ZNF385D: variants seen among roughly 807,000 people sequenced by gnomAD.
ZNF385D encodes the protein zinc finger protein 659.
ZNF385D carries 15 observed loss-of-function variants against 35.8 expected under a neutral mutation model. That is an observed-to-expected ratio of 0.42 (90% CI 0.28 to 0.64). The LOEUF is 0.64. Ranked by LOEUF, ZNF385D falls within the 30% of genes least tolerant of loss-of-function variation. The probability of loss-of-function intolerance (pLI) is 0.23; values close to 1 mark genes in which losing one functional copy is unlikely to be tolerated. For synonymous variants in ZNF385D, 212 were observed against 186.8 expected, an observed-to-expected ratio of 1.13 and a Z score of -1.10; for missense variants, 474 against 494.6, an observed-to-expected ratio of 0.96 and a Z score of 0.39.
At chr3:21,794,636 G>A (rs748341634) in intron 3 of ZNF385D, among the ~76,000 whole-genome samples, 7 of 152,092 alleles carry the variant, frequency 4.6e-5, no homozygotes, top group Non-Finnish European at 7.4e-5. Flanking sequence ...TAACTTTGGG[G>A]GTCTCTTTTA....
intron 3 of ZNF385D, among the ~76,000 whole-genome samples, chr3:22,019,188 T>C (rs1576163869): frequency 1.3e-5 from 2 of 151,804 alleles, no homozygotes. Flanking sequence ...ATCTGTAATA[T>C]TAGCATAGGG....
chr3:22,062,044 TAATTTA>T lies in ZNF385D; in HGVS notation c.325+106767_325+106772del, dbSNP rs1699714285. On this transcript the variant is annotated intron_variant, in intron 3 of 5. Transcript: ENST00000494108. ...AAATGCTTATTGTTGCATTTAATTT[TAATTTA>T]TTTTTGAGGCAAGGTCTTGTTCTGT... is the stretch of plus-strand genomic sequence containing the variant. 3.3e-5 allele frequency among the ~76,000 whole-genome samples: 5 copies of T among 152,296 alleles called. No homozygotes were observed. The South Asian group carries it at 8.3e-4, about 25-fold the overall frequency.
At chr3:22,205,802 A>T (rs1697111658) in intron 2 of ZNF385D, among the ~76,000 whole-genome samples, 1 of 152,002 alleles carries the variant, frequency 6.6e-6, no homozygotes, top group Non-Finnish European at 1.5e-5. Context: ...TACCAGAGAA[A>T]ACCACCTTCA....
chr3:21,863,467 A>G (rs948942832), intron 3 of ZNF385D, among the ~76,000 whole-genome samples: 2 of 152,168 alleles, frequency 1.3e-5, no homozygotes, highest in African/African-American at 2.4e-5. Flanking sequence ...TCATTCTTTG[A>G]GCAACCTTAT....
At chr3:21,819,717 T>C (rs1390518968) in intron 3 of ZNF385D, among the ~76,000 whole-genome samples, 3 of 146,444 alleles carry the variant, frequency 2.0e-5, no homozygotes, top group African/African-American at 7.4e-5. Context: ...CACGTATATA[T>C]ATACACATGT....
At chr3:22,018,352 C>G (rs1464355986) in intron 3 of ZNF385D, among the ~76,000 whole-genome samples, 1 of 151,730 alleles carries the variant, frequency 6.6e-6, no homozygotes, top group African/African-American at 2.4e-5. Flanking sequence ...TCATTCTCAA[C>G]TCCATTTCTA....
At chr3:22,251,993 A>G (rs760425657) in intron 2 of ZNF385D, among the ~76,000 whole-genome samples, 81 of 152,078 alleles carry the variant, frequency 5.3e-4, no homozygotes, top group Non-Finnish European at 1.0e-3. Context: ...CACATATTAA[A>G]CATTCAATAA....
intron 2 of ZNF385D, among the ~76,000 whole-genome samples, chr3:22,252,286 C>T (rs1045423279): frequency 1.3e-5 from 2 of 151,912 alleles, no homozygotes; most frequent in African/African-American, 2.4e-5. Flanking sequence ...AGATTTTATA[C>T]CAATAAACTA....
intron 3 of ZNF385D, among the ~76,000 whole-genome samples, chr3:21,884,872 T>C (rs1698462415): frequency 6.6e-6 from 1 of 151,586 alleles, no homozygotes. Flanking sequence ...TACACGAGGA[T>C]CATGAAAGTA....
At position 22,131,920 on chromosome 3, in the gene ZNF385D, T is replaced by G. The variant is rs1261178115; in HGVS notation, c.325+36897A>C. Among the ~76,000 whole-genome samples, 3 of 152,162 alleles carry G rather than the reference T, an allele frequency of 2.0e-5. No homozygotes were observed. The South Asian group carries it at 6.2e-4, about 31-fold the overall frequency. The stretch of plus-strand genomic sequence containing the variant: ...TTAAGAACTCACTGGAGGCTGATGC[T>G]AATGAATTTAAAATAAAACAAGCCA... On this transcript the variant is annotated intron_variant, in intron 3 of 5. Transcript: ENST00000494108.
At chr3:22,202,599 G>A (rs1696872957) in intron 2 of ZNF385D, among the ~76,000 whole-genome samples, 1 of 152,166 alleles carries the variant, frequency 6.6e-6, no homozygotes, top group Non-Finnish European at 1.5e-5. Context: ...AATCAGGTAA[G>A]TGATCACAGT....
intron 2 of ZNF385D, among the ~76,000 whole-genome samples, chr3:22,369,483 A>G (rs1174176040): frequency 1.3e-5 from 2 of 152,136 alleles, no homozygotes; most frequent in Non-Finnish European, 2.9e-5. Context: ...CCAAAAAATA[A>G]AACAACTCTC....
intron 3 of ZNF385D, among the ~76,000 whole-genome samples, chr3:22,023,552 G>A (rs1206650225): frequency 6.6e-6 from 1 of 151,984 alleles, no homozygotes; most frequent in African/African-American, 2.4e-5. Flanking sequence ...TCTTCCCTCT[G>A]CACATTTAGA....
At chr3:21,969,859 G>C (rs1225173992) in intron 3 of ZNF385D, among the ~76,000 whole-genome samples, 1 of 152,150 alleles carries the variant, frequency 6.6e-6, no homozygotes, top group Non-Finnish European at 1.5e-5. Flanking sequence ...CTCAGAAAGG[G>C]ATAGAAACTC....
chr3:22,236,805 A>G (rs78810313), intron 2 of ZNF385D, among the ~76,000 whole-genome samples: 3,030 of 152,314 alleles, frequency 0.02, 57 homozygotes, highest in South Asian at 0.11. Context: ...GAATCATACA[A>G]TAAGTGTCCT....
At chr3:21,751,382 G>T, upstream of ZNF385D, 1 of 1,021,370 alleles carries the variant, frequency 9.8e-7, no homozygotes, top group Non-Finnish European at 1.2e-6. Context: ...CTCTCTTAAA[G>T]CGAGAAGAGT....
intron 5 of ZNF385D, among the ~76,000 whole-genome samples, chr3:21,428,261 C>G (rs1328235178): frequency 6.6e-6 from 1 of 151,972 alleles, no homozygotes; most frequent in East Asian, 1.9e-4. Flanking sequence ...GTTTCAGATA[C>G]TGTGCTAAAT....
At chr3:22,348,915 A>G (rs1331837626) in intron 2 of ZNF385D, among the ~76,000 whole-genome samples, 1 of 152,240 alleles carries the variant, frequency 6.6e-6, no homozygotes, top group African/African-American at 2.4e-5. Context: ...AAGCATGTAG[A>G]CAAAGCTAGC....
chr3:22,030,634 A>T (rs998404235), intron 3 of ZNF385D, among the ~76,000 whole-genome samples: 1 of 152,068 alleles, frequency 6.6e-6, no homozygotes, highest in Admixed American at 6.5e-5. Flanking sequence ...CCCTTGACAC[A>T]TGAAGATTAC....
Sources: gnomAD v4.1 joint callset for allele counts (sites outside exome capture counted in the v4.1 genomes callset) on GRCh38, gnomAD v4.1.1 for gene constraint, MANE v1.5 for transcripts, NCBI Gene and HGNC (gene_info 2026-07-23, HGNC 2026-07-21) for gene names.